PHLDB2: variants seen among roughly 807,000 people sequenced by gnomAD.
PHLDB2 encodes pleckstrin homology like domain family B member 2, also known as pleckstrin homology-like domain family B member 2.
A neutral mutation model predicts 123.6 loss-of-function variants in PHLDB2; 71 were observed. The observed-to-expected ratio is 0.57, with a 90% CI of 0.47 to 0.70. The LOEUF (loss-of-function observed/expected upper bound fraction) is 0.70. Among genes scored for constraint, PHLDB2 ranks in the 30% least tolerant of loss-of-function variants. The probability of loss-of-function intolerance (pLI) is 0.00; values close to 1 mark genes in which losing one functional copy is unlikely to be tolerated. For synonymous variants in PHLDB2, 547 were observed against 541.6 expected, an observed-to-expected ratio of 1.01 and a Z score of -0.14; for missense variants, 1,446 against 1,519.5, an observed-to-expected ratio of 0.95 and a Z score of 0.80.
chr3:111,764,940 G>T (rs531382640), intron 1 of PHLDB2, among the ~76,000 whole-genome samples: 2 of 152,274 alleles, frequency 1.3e-5, no homozygotes, highest in African/African-American at 2.4e-5. Flanking sequence ...ATACCCAAGC[G>T]ACATCACCAT....
chr3:111,895,064 A>G (rs1215455423), intron 2 of PHLDB2, among the ~76,000 whole-genome samples: 1 of 152,144 alleles, frequency 6.6e-6, no homozygotes, highest in Non-Finnish European at 1.5e-5. Context: ...TGAAAAAAAA[A>G]AAACGGTTGT....
intron 2 of PHLDB2, among the ~76,000 whole-genome samples, chr3:111,894,948 GTA>G (rs756658277): frequency 3.4e-5 from 5 of 146,380 alleles, no homozygotes; most frequent in Non-Finnish European, 6.1e-5. Context: ...GTGTGTGTGT[GTA>G]TGTATGTATG....
At chr3:111,732,901 T>A (rs573773818) in intron 1 of PHLDB2, among the ~76,000 whole-genome samples, 44 of 152,348 alleles carry the variant, frequency 2.9e-4, no homozygotes, top group Non-Finnish European at 6.5e-4. Context: ...CTATCTCTTC[T>A]GAAAATTGTT....
At chr3:111,900,846 CT>C (rs1352617937) in intron 2 of PHLDB2, among the ~76,000 whole-genome samples, 4 of 152,126 alleles carry the variant, frequency 2.6e-5, no homozygotes, top group Non-Finnish European at 5.9e-5. Flanking sequence ...CCTGTAGTTA[CT>C]TTCTTAACAC....
intron 1 of PHLDB2, among the ~76,000 whole-genome samples, chr3:111,761,675 A>G (rs1460184721): frequency 6.6e-6 from 1 of 152,216 alleles, no homozygotes; most frequent in Middle Eastern, 3.2e-3. Flanking sequence ...TTGCTGATCT[A>G]CACACCCAGA....
chr3:111,930,100 G>T (rs1269952838), intron 5 of PHLDB2, among the ~76,000 whole-genome samples: 2 of 150,554 alleles, frequency 1.3e-5, no homozygotes, highest in East Asian at 3.9e-4. Context: ...TTTTAGTAGA[G>T]ACGGGGTTTC....
intron 1 of PHLDB2, among the ~76,000 whole-genome samples, chr3:111,745,575 A>G (rs1161467147): frequency 1.3e-5 from 2 of 152,064 alleles, no homozygotes; most frequent in Non-Finnish European, 2.9e-5. Flanking sequence ...GCCTGGGAAA[A>G]CAGGCAAGAC....
intron 1 of PHLDB2, among the ~76,000 whole-genome samples, chr3:111,771,351 CTTT>C (rs11291070): frequency 6.8e-6 from 1 of 146,962 alleles, no homozygotes; most frequent in African/African-American, 2.5e-5. Flanking sequence ...CTGCCTTCAT[CTTT>C]TTTTTTTTTC....
intron 1 of PHLDB2, among the ~76,000 whole-genome samples, chr3:111,882,236 G>GT (rs2065966725): frequency 6.6e-6 from 1 of 152,134 alleles, no homozygotes; most frequent in African/African-American, 2.4e-5. Flanking sequence ...CTATTTCCTT[G>GT]TTTTTTCACT....
In PHLDB2 at chr3:111,970,725, T is replaced by C. The variant is rs953917254; in HGVS notation, c.3535+816T>C. On this transcript the variant is annotated intron_variant, in intron 16 of 17. Transcript: ENST00000431670. ...TTTTAGTACAAGTATAGCTCTACTT[T>C]CTTTGCAGCTGCTAAAAAAGAGTGG... 3.3e-5 allele frequency among the ~76,000 whole-genome samples: 5 copies of C among 152,170 alleles called. No individual in the cohort carries two copies. In the East Asian group the frequency reaches 9.6e-4, roughly 29 times the overall value.
At chr3:111,924,523 C>T (rs988940900) in intron 5 of PHLDB2, among the ~76,000 whole-genome samples, 8 of 152,252 alleles carry the variant, frequency 5.3e-5, no homozygotes, top group African/African-American at 1.9e-4. Flanking sequence ...CTGGGCTGGG[C>T]TGCCCGTGTG....
intron 17 of PHLDB2, 25 bp from the exon 18 acceptor site, chr3:111,974,398 T>C: frequency 1.3e-6 from 2 of 1,562,412 alleles, no homozygotes; most frequent in Non-Finnish European, 8.7e-7. Flanking sequence ...TTATTTTACA[T>C]TCTTTTTCCT....
At chr3:111,971,546 T>C (rs1462578530) in intron 16 of PHLDB2, among the ~76,000 whole-genome samples, 1 of 152,230 alleles carries the variant, frequency 6.6e-6, no homozygotes, top group Non-Finnish European at 1.5e-5. Context: ...AATATGTATT[T>C]ATGATATAAC....
rs550583015 is a variant in PHLDB2 at position 111,826,586 on chromosome 3, A to C, written c.-48-19235A>C. Among the ~76,000 whole-genome samples, 3 of 152,188 alleles carry C rather than the reference A, an allele frequency of 2.0e-5. 1 individual carries two copies. Among genetic ancestry groups the C allele is most frequent in the Admixed American group, 2.0e-4 (3 of 15,282 alleles). On this transcript the variant is annotated intron_variant, in intron 1 of 17. Coordinates refer to the PHLDB2 transcript ENST00000393923. ...AGCTAAACAAAGAATTGAACCCTAC[A>C]TTTTCTATCAGGTAAGTAGAGTTCT...
intron 1 of PHLDB2, among the ~76,000 whole-genome samples, chr3:111,815,835 T>G (rs1339978416): frequency 6.6e-6 from 1 of 152,178 alleles, no homozygotes; most frequent in Non-Finnish European, 1.5e-5. Flanking sequence ...CTCCAGGGCA[T>G]GTCGAGGTCT....
chr3:111,875,464 C>G (rs879526311), intron 1 of PHLDB2, among the ~76,000 whole-genome samples: 2 of 151,234 alleles, frequency 1.3e-5, no homozygotes, highest in Non-Finnish European at 2.9e-5. Flanking sequence ...AGTTCTTTAA[C>G]CTTTTTTGGA....
In PHLDB2 at chr3:111,884,565, C is replaced by G; in HGVS notation, c.488C>G (p.Ser163Cys). Reference sequence around the variant, plus strand: ...CATAAATCGCATGACAATGTCTACTCTCTTGGAGGGCTGGAAGGTCGGAAG... The same window carrying G: ...CATAAATCGCATGACAATGTCTACTGTCTTGGAGGGCTGGAAGGTCGGAAG... ...SRHKSHDNVY[S>C]LGGLEGRKAS... Residue 163 changes from serine (S) to cysteine (C), a missense_variant, in exon 2 of 18, where the codon TCT becomes TGT. Physicochemically the swap from Ser to Cys is moderately radical, Grantham distance 112. Around this residue, in one of 3 missense-constraint regions of PHLDB2, gnomAD observed 832 missense variants for 831.9 expected, o/e 1.00. Transcript: ENST00000431670. 3 of 1,614,144 alleles carry G rather than the reference C, an allele frequency of 1.9e-6. No individual in the cohort carries two copies. The highest frequency in any genetic ancestry group is 2.5e-6 in the Non-Finnish European group (3 of 1,180,032).
chr3:111,905,576 C>T (rs757747226), intron 2 of PHLDB2, among the ~76,000 whole-genome samples: 10 of 152,014 alleles, frequency 6.6e-5, no homozygotes, highest in Admixed American at 1.3e-4. Context: ...AGGCTGGTCT[C>T]GAACTCCTGT....
At chr3:111,845,622 G>A (rs558050572) in intron 1 of PHLDB2, among the ~76,000 whole-genome samples, 27 of 152,228 alleles carry the variant, frequency 1.8e-4, no homozygotes, top group Non-Finnish European at 3.4e-4. Flanking sequence ...TGGTGGTGGC[G>A]AAGTTCTGTT....
Sources: allele counts gnomAD v4.1 joint callset (sites outside exome capture counted in the v4.1 genomes callset), GRCh38; gene constraint gnomAD v4.1.1; regional missense constraint gnomAD v4.1.1; transcripts MANE v1.5; gene names NCBI Gene and HGNC (gene_info 2026-07-23, HGNC 2026-07-21).